Variants in CRACDL observed in about 807,000 individuals in gnomAD.
CRACDL encodes CRACD-like protein.
CRACDL carries 26 observed loss-of-function variants against 70.6 expected under a neutral mutation model. That is an observed-to-expected ratio of 0.37 (90% CI 0.27 to 0.51). CRACDL has a LOEUF of 0.51. Among genes scored for constraint, CRACDL ranks in the 20% least tolerant of loss-of-function variants. The pLI is 0.94. For missense variants in CRACDL, 1,283 were observed against 1,376.9 expected (o/e 0.93, Z 1.08); for synonymous variants, 618 against 615.2 (o/e 1.00, Z -0.07).
At chr2:98,801,722 C>A (rs1704085070) in intron 7 of CRACDL, among the ~76,000 whole-genome samples, 1 of 152,172 alleles carries the variant, frequency 6.6e-6, no homozygotes, top group Admixed American at 6.5e-5. Flanking sequence ...ACTGTCTATA[C>A]CTCTCAGCGT....
chr2:98,877,882 G>A (rs1162480771), intron 1 of CRACDL, among the ~76,000 whole-genome samples: 9 of 151,792 alleles, frequency 5.9e-5, no homozygotes, highest in Non-Finnish European at 1.0e-4. Flanking sequence ...CAGTCACCCA[G>A]AGCAACTCCT....
Position 98,832,925 on chromosome 2 carries a change from G to C in CRACDL, c.312C>G (p.Asp104Glu). Residue 104 changes from aspartate (D) to glutamate (E), a missense_variant, in exon 4 of 10, where the codon GAC becomes GAG. This residue lies in a region of CRACDL where 362 missense variants were observed against 495.0 expected (regional missense o/e 0.73). Coordinates refer to ENST00000397899, the MANE Select transcript of CRACDL (RefSeq NM_207362.3). The stretch of plus-strand genomic sequence containing the variant: ...AAAACACCCGCACAGGCCGAGTAGC[G>C]TCCTGTCCGGACTCAGGAATGAAAA... ...DSIFIPESGQ[D>E]ATRPVRVFSQ... is the part of the protein sequence containing the mutation. 1 of 1,614,090 alleles carries C rather than the reference G, an allele frequency of 6.2e-7. No homozygotes were observed. Among genetic ancestry groups the C allele is most frequent in the Non-Finnish European group, 8.5e-7 (1 of 1,179,950 alleles).
chr2:98,933,164 C>G (rs554439665), intron 1 of CRACDL, among the ~76,000 whole-genome samples: 2 of 152,302 alleles, frequency 1.3e-5, no homozygotes, highest in South Asian at 4.1e-4. Context: ...CTGTGGCTCA[C>G]CCTGGGGACA....
At chr2:98,925,169 G>T (rs1307349504) in intron 1 of CRACDL, among the ~76,000 whole-genome samples, 1 of 152,180 alleles carries the variant, frequency 6.6e-6, no homozygotes, top group Non-Finnish European at 1.5e-5. Flanking sequence ...CTCCAGCCAG[G>T]GTCCAGTCCT....
Position 98,804,958 on chromosome 2 carries a change from C to T in CRACDL, c.2417-7421G>A, listed in dbSNP as rs564411160. Among the ~76,000 whole-genome samples the T allele has an allele frequency of 8.5e-4, 129 of 152,286 alleles. 1 individual carries two copies. The highest frequency in any genetic ancestry group is 6.9e-3 in the Admixed American group (106 of 15,300). On this transcript the variant is annotated intron_variant, in intron 7 of 9. Transcript: ENST00000397899. ...CCTTAGACAATGAGAACGGACTGGA[C>T]CTGGTGGGTGCCCACTAGGTGCCAG... is the stretch of plus-strand genomic sequence containing the variant.
chr2:98,848,661 G>A (rs943282398), intron 1 of CRACDL, among the ~76,000 whole-genome samples: 6 of 152,152 alleles, frequency 3.9e-5, no homozygotes, highest in Non-Finnish European at 8.8e-5. Context: ...TTAGCTCACT[G>A]CATCCTCAAC....
chr2:98,836,854 G>A (rs951369358), intron 3 of CRACDL, among the ~76,000 whole-genome samples: 2 of 152,014 alleles, frequency 1.3e-5, no homozygotes, highest in Non-Finnish European at 2.9e-5. Flanking sequence ...AGGCCGAGGC[G>A]GGCGGATCGC....
chr2:98,899,846 G>A (rs1458332292), intron 1 of CRACDL, among the ~76,000 whole-genome samples: 2 of 148,198 alleles, frequency 1.3e-5, no homozygotes, highest in Non-Finnish European at 3.0e-5. Flanking sequence ...AGGCTCAGCA[G>A]GAGGGGAGGC....
chr2:98,829,978 C>T (rs1320990629), intron 5 of CRACDL, among the ~76,000 whole-genome samples: 1 of 152,232 alleles, frequency 6.6e-6, no homozygotes, highest in Non-Finnish European at 1.5e-5. Context: ...GGTGATAAGC[C>T]TGCCTGAGGC....
chr2:98,827,241 A>G (rs1705343893), intron 5 of CRACDL, 72 bp from the exon 6 acceptor site: 3 of 1,074,930 alleles, frequency 2.8e-6, no homozygotes, highest in South Asian at 1.4e-5. Flanking sequence ...CAACGCAACA[A>G]TGCTCTTTTC....
At chr2:98,860,647 T>G (rs1416745464) in intron 1 of CRACDL, among the ~76,000 whole-genome samples, 1 of 152,188 alleles carries the variant, frequency 6.6e-6, no homozygotes, top group African/African-American at 2.4e-5. Context: ...AGATCTAAAT[T>G]GTAAGTGCTA....
intron 1 of CRACDL, among the ~76,000 whole-genome samples, chr2:98,863,155 G>A (rs544319674): frequency 3.8e-4 from 58 of 152,260 alleles, no homozygotes; most frequent in Admixed American, 1.2e-3. Flanking sequence ...CAGCAAGAGA[G>A]ATGTGACTTG....
In CRACDL at chr2:98,822,782, G is replaced by A; in HGVS notation, c.1491C>T (p.Cys497=). Residue 497 remains cysteine, a synonymous_variant, in exon 7 of 10, where the codon TGC becomes TGT. Coordinates refer to ENST00000397899, the MANE Select transcript of CRACDL (RefSeq NM_207362.3). The surrounding 1 kb of genome is among the most constrained non-coding windows in gnomAD (Gnocchi z 4.9). ...PAPSPPAPKS[C]LKHRPAAASE... ...TGGCGGCCGCGGGCCGGTGTTTCAG[G>A]CAGCTCTTGGGCGCCGGCGGGCTCG... 1.5e-6 allele frequency: 2 copies of A among 1,328,100 alleles called. No homozygotes were observed. The highest frequency in any genetic ancestry group is 9.6e-7 in the Non-Finnish European group (1 of 1,044,042). 82.3% of individuals were successfully genotyped at this position (1,328,100 alleles called of 1,614,324 possible).
chr2:98,933,548 C>T (rs1378385984), intron 1 of CRACDL, among the ~76,000 whole-genome samples: 4 of 152,184 alleles, frequency 2.6e-5, no homozygotes, highest in African/African-American at 9.7e-5. Context: ...CAAAATTTTG[C>T]ACCTTTCCAC....
At chr2:98,843,097 G>C (rs898802643) in intron 2 of CRACDL, among the ~76,000 whole-genome samples, 1 of 152,058 alleles carries the variant, frequency 6.6e-6, no homozygotes, top group Admixed American at 6.6e-5. Flanking sequence ...CGTTTAATAC[G>C]TGTGTCCTGG....
At chr2:98,904,838 C>G (rs1359861602) in intron 1 of CRACDL, among the ~76,000 whole-genome samples, 1 of 152,132 alleles carries the variant, frequency 6.6e-6, no homozygotes, top group Non-Finnish European at 1.5e-5. Context: ...GAAATGCGAC[C>G]CCCAATGTTG....
intron 7 of CRACDL, among the ~76,000 whole-genome samples, chr2:98,810,619 A>C (rs1704514625): frequency 6.6e-6 from 1 of 152,204 alleles, no homozygotes; most frequent in African/African-American, 2.4e-5. Context: ...TGGAGGAAAA[A>C]AAACACTGAC....
intron 1 of CRACDL, chr2:98,869,226 A>T (rs1707254903): frequency 6.9e-6 from 9 of 1,296,524 alleles, no homozygotes; most frequent in Non-Finnish European, 8.1e-6. Flanking sequence ...ACGGGTCACC[A>T]CTGGTTGCTG....
intron 1 of CRACDL, among the ~76,000 whole-genome samples, chr2:98,920,886 G>A (rs1007182408): frequency 1.3e-5 from 2 of 152,212 alleles, no homozygotes; most frequent in Admixed American, 6.5e-5. Flanking sequence ...GCAAATGCGT[G>A]TTGACAAACT....
Sources: gnomAD v4.1 joint callset for allele counts (sites outside exome capture counted in the v4.1 genomes callset) on GRCh38, gnomAD v4.1.1 for gene constraint, gnomAD v4.1.1 regional missense constraint, Gnocchi (gnomAD v3.1) non-coding constraint, MANE v1.5 for transcripts, NCBI Gene and HGNC (gene_info 2026-07-23, HGNC 2026-07-21) for gene names.